Variants in KMT2D observed in about 807,000 individuals in gnomAD.
The protein encoded by KMT2D is lysine methyltransferase 2D, also known as histone-lysine N-methyltransferase 2D.
In KMT2D, 55 loss-of-function variants were observed where a neutral mutation model predicts 512.7. The observed-to-expected ratio is 0.11, with a 90% confidence interval of 0.09 to 0.13. KMT2D has a LOEUF of 0.13. Among genes scored for constraint, KMT2D ranks in the 10% least tolerant of loss-of-function variants. The pLI, the probability that KMT2D is intolerant of heterozygous loss-of-function variation, is 1.00. For synonymous variants in KMT2D, 2,995 were observed against 2,904.0 expected (o/e 1.03, Z -1.01); for missense variants, 6,061 against 7,127.9 (o/e 0.85, Z 5.39).
Position 49,040,626 on chromosome 12 carries a change from G to T in KMT2D, c.7144C>A (p.Pro2382Thr), listed in dbSNP as rs3741626. The T allele has an allele frequency of 6.2e-7, 1 of 1,613,570 alleles. No individual in the cohort carries two copies. Among genetic ancestry groups the T allele is most frequent in the South Asian group, 1.1e-5 (1 of 91,074 alleles). Residue 2382 changes from proline to threonine, a missense_variant, in exon 32 of 55, where the codon CCA becomes ACA. Coordinates refer to ENST00000301067, the MANE Select transcript of KMT2D (RefSeq NM_003482.4). Reference sequence around the variant, plus strand: ...GGAGGTTGGGGCCGAGGAGTCAATGGGGGCTGAGCATATGGGTCAGTGTAG... The same window carrying T: ...GGAGGTTGGGGCCGAGGAGTCAATGTGGGCTGAGCATATGGGTCAGTGTAG... ...GSYTDPYAQP[P>T]LTPRPQPPPP...
Position 49,032,640 on chromosome 12 carries a change from G to A in KMT2D, c.12065C>T (p.Thr4022Met), listed in dbSNP as rs368743947. The A allele has an allele frequency of 9.3e-6, 15 of 1,613,826 alleles. No individual in the cohort carries two copies. Among genetic ancestry groups the A allele is most frequent in the Admixed American group, 5.0e-5 (3 of 60,010 alleles). Residue 4022 changes from threonine (T) to methionine (M), a missense_variant, in exon 40 of 55, where the codon ACG becomes ATG. Thr to Met is a moderately conservative substitution (Grantham distance 81, BLOSUM62 -1). Transcript: ENST00000301067. ...GTCTACGGTGTTTTGTTCCTTGCCC[G>A]TCAGGAGGAGGGTTGGACCCAGGGC... ...PGALGPTLLL[T>M]GKEQNTVDPA...
rs1419866032 is a variant in KMT2D at position 49,032,867 on chromosome 12, TTGCTGCTGCTGTTGTTGAAGC to T, written c.11817_11837del (p.Leu3940_Gln3946del). The stretch of plus-strand genomic sequence containing the variant: ...GCTGCTGTTGCTGCTGTTGAAGCTG[TTGCTGCTGCTGTTGTTGAAGC>T]TGCTGCTGCTGTTGCTGCTGTTGAA... On this transcript the variant is annotated inframe_deletion, in exon 40 of 55. Coordinates refer to ENST00000301067, the MANE Select transcript of KMT2D (RefSeq NM_003482.4). The T allele has an allele frequency of 5.2e-6, 8 of 1,549,922 alleles. No homozygotes were observed. Among genetic ancestry groups the T allele is most frequent in the African/African-American group, 2.7e-5 (2 of 72,960 alleles).
At chr12:49,058,515 G>C (rs781685274) in intron 1 of KMT2D, among the ~76,000 whole-genome samples, 2 of 152,150 alleles carry the variant, frequency 1.3e-5, no homozygotes, top group African/African-American at 2.4e-5. Context: ...GTGTGAGAGG[G>C]GCAGTCCCAG....
Position 49,024,900 on chromosome 12 carries a change from C to T in KMT2D, c.15831G>A (p.Glu5277=), listed in dbSNP as rs913464213. 2.5e-6 allele frequency: 4 copies of T among 1,602,254 alleles called. No homozygotes were observed. Among genetic ancestry groups the T allele is most frequent in the Non-Finnish European group, 3.4e-6 (4 of 1,174,520 alleles). ...CAGGGAAGAGTCGCAGCATGTCAGCCTCTTTTCTCATGGCAGCCACAGGCT... is the reference window on the plus strand; with the variant it reads ...CAGGGAAGAGTCGCAGCATGTCAGCTTCTTTTCTCATGGCAGCCACAGGCT... ...IIEPVAAMRK[E]ADMLRLFPEY... is the part of the protein sequence containing the mutation. The change falls in exon 50 of 55, where the codon GAG becomes GAA. Residue 5277 remains glutamate, a synonymous_variant. Transcript: ENST00000301067. The surrounding 1 kb of genome is among the most constrained non-coding windows in gnomAD (Gnocchi z 4.5).
Position 49,039,243 on chromosome 12 carries a change from G to A in KMT2D, c.8345C>T (p.Ser2782Phe). 1 of 1,613,836 alleles carries A rather than the reference G, an allele frequency of 6.2e-7. No individual in the cohort carries two copies. The highest frequency in any genetic ancestry group is 8.5e-7 in the Non-Finnish European group (1 of 1,179,886). ...TCACCGGCTGTTCACATCCATAGAG[G>A]AAGGCGTGGCTGGTGGAGGTGGCCG... ...LSRPPPPATP[S>F]SMDVNSRQLV... Residue 2782 changes from serine (S) to phenylalanine (F), a missense_variant, in exon 34 of 55, where the codon TCC becomes TTC. Ser to Phe is a radical substitution (Grantham distance 155). Coordinates refer to ENST00000301067, the MANE Select transcript of KMT2D (RefSeq NM_003482.4). The surrounding 1 kb of genome is among the most constrained non-coding windows in gnomAD (Gnocchi z 5.0).
rs781089409 is a variant in KMT2D, at chr12:49,046,114, ATCG to A, written c.4641_4643del (p.Asp1548del). The A allele has an allele frequency of 1.9e-6, 3 of 1,610,922 alleles. No individual in the cohort carries two copies. The highest frequency in any genetic ancestry group is 1.7e-5 in the Admixed American group (1 of 59,550). ...GGCAGGAGACACAGTCAAAGCCTTC[ATCG>A]GCTGCCTGCTCCACATCGTCCTCTG... On this transcript the variant is annotated inframe_deletion, in exon 18 of 55. Transcript: ENST00000301067. This position sits in a 1 kb window ranked among gnomAD's most constrained non-coding sequence, Gnocchi z 4.2.
Position 49,050,360 on chromosome 12 carries a change from C to A in KMT2D, c.3228G>T (p.Glu1076Asp), listed in dbSNP as rs2120649330. 1 of 1,611,986 alleles carries A rather than the reference C, an allele frequency of 6.2e-7. No individual in the cohort carries two copies. The highest frequency in any genetic ancestry group is 8.5e-7 in the Non-Finnish European group (1 of 1,178,978). ...DEAELHEMET[E>D]KVSEPECPAL... ...CTGGGCATTCAGGTTCTGAAACTTTCTCAGTCTCCATCTCGTGCAGCTCAG... is the reference window on the plus strand; with the variant it reads ...CTGGGCATTCAGGTTCTGAAACTTTATCAGTCTCCATCTCGTGCAGCTCAG... The change falls in exon 12 of 55, where the codon GAG becomes GAT. Residue 1076 changes from glutamate (E) to aspartate (D), a missense_variant. This residue lies in a region of KMT2D where 447 missense variants were observed against 500.1 expected (regional missense o/e 0.89). Transcript: ENST00000301067.
At position 49,051,548 on chromosome 12, in the gene KMT2D, T is replaced by C. The variant is rs574957455; in HGVS notation, c.2135A>G (p.Glu712Gly). The change falls in exon 11 of 55, where the codon GAG becomes GGG. Residue 712 changes from glutamate to glycine, a missense_variant. Transcript: ENST00000301067. ...PEDSPASPPP[E>G]DSLMSLPLEE... is the part of the protein sequence containing the mutation. ...CAGCGGCAGGGACATGAGCGAGTCCTCCGGTGGTGGGGAAGCAGGTGAGTC... is the reference window on the plus strand; with the variant it reads ...CAGCGGCAGGGACATGAGCGAGTCCCCCGGTGGTGGGGAAGCAGGTGAGTC... 9.9e-6 allele frequency: 16 copies of C among 1,611,528 alleles called. No homozygotes were observed. In the African/African-American group the frequency reaches 1.9e-4, roughly 19 times the overall value.
chr12:49,039,789 G>A lies in KMT2D; in HGVS notation c.7981C>T (p.Leu2661Phe), dbSNP rs1370465303. Residue 2661 changes from leucine to phenylalanine, a missense_variant, in exon 32 of 55, where the codon CTC becomes TTC. Physicochemically the swap from Leu to Phe is conservative, Grantham distance 22 (BLOSUM62 0). This residue lies in a region of KMT2D where 527 missense variants were observed against 578.9 expected (regional missense o/e 0.91). Coordinates refer to ENST00000301067, the MANE Select transcript of KMT2D (RefSeq NM_003482.4). The surrounding 1 kb of genome is among the most constrained non-coding windows in gnomAD (Gnocchi z 5.0). The stretch of plus-strand genomic sequence containing the variant: ...ATGCCTGGGTCCTGGGTACCTGGGA[G>A]TTCAGCTGTCGCCAAAGAGCTACCC... ...GMGSSLATAE[L>F]PGTQDPGMSG... 1.9e-6 allele frequency: 3 copies of A among 1,613,988 alleles called. No individual in the cohort carries two copies. Among genetic ancestry groups the A allele is most frequent in the Non-Finnish European group, 2.5e-6 (3 of 1,179,898 alleles).
rs1398611998 is a variant in KMT2D at position 49,046,356 on chromosome 12, G to A, written c.4487C>T (p.Thr1496Ile). Residue 1496 changes from threonine to isoleucine, a missense_variant, in exon 17 of 55, where the codon ACA becomes ATA. Physicochemically the swap from Thr to Ile is moderately conservative, Grantham distance 89 (BLOSUM62 -1). Coordinates refer to ENST00000301067, the MANE Select transcript of KMT2D (RefSeq NM_003482.4). This position sits in a 1 kb window ranked among gnomAD's most constrained non-coding sequence, Gnocchi z 4.2. Reference sequence around the variant, plus strand: ...CAGGCTGGCACAGGGCCCACAGTGTGTGTAACTATTCTGCCATTCACAGTG... The same window carrying A: ...CAGGCTGGCACAGGGCCCACAGTGTATGTAACTATTCTGCCATTCACAGTG... ...GFHCEWQNSY[T>I]HCGPCASLVT... 2 of 1,613,874 alleles carry A rather than the reference G, an allele frequency of 1.2e-6. No individual in the cohort carries two copies. The highest frequency in any genetic ancestry group is 2.2e-5 in the East Asian group (1 of 44,886).
Position 49,040,006 on chromosome 12 carries a change from G to C in KMT2D, c.7764C>G (p.His2588Gln), listed in dbSNP as rs886043697. The C allele has an allele frequency of 6.2e-7, 1 of 1,613,776 alleles. No individual in the cohort carries two copies. The highest frequency in any genetic ancestry group is 8.5e-7 in the Non-Finnish European group (1 of 1,179,790). ...TNYTVATGNF[H>Q]PSGSPLGPSS... ...TGGGCCCCAGGGGGCTGCCCGATGG[G>C]TGGAAGTTCCCTGTGGCTACTGTGT... Residue 2588 changes from histidine (H) to glutamine (Q), a missense_variant, in exon 32 of 55, where the codon CAC becomes CAG. Physicochemically the swap from His to Gln is conservative, Grantham distance 24. Coordinates refer to ENST00000301067, the MANE Select transcript of KMT2D (RefSeq NM_003482.4).
At position 49,037,258 on chromosome 12, in the gene KMT2D, G is replaced by C. The variant is rs759872374; in HGVS notation, c.10098C>G (p.Gly3366=). 2 of 1,613,656 alleles carry C rather than the reference G, an allele frequency of 1.2e-6. No homozygotes were observed. The highest frequency in any genetic ancestry group is 1.7e-6 in the Non-Finnish European group (2 of 1,179,828). ...MLSGQHGGQA[G]LVPQQSSQPV... ...GCTGTGAGCTCTGCTGGGGTACCAA[G>C]CCTGCCTGCCCTCCATGCTGCCCAC... Residue 3366 remains glycine (G), a synonymous_variant, in exon 35 of 55, where the codon GGC becomes GGG. Coordinates refer to ENST00000301067, the MANE Select transcript of KMT2D (RefSeq NM_003482.4).
At chr12:49,053,133 C>A in intron 8 of KMT2D, 61 bp from the exon 9 acceptor site, 1 of 1,612,142 alleles carries the variant, frequency 6.2e-7, no homozygotes, top group Non-Finnish European at 8.5e-7. Context: ...AACGAAAGTA[C>A]ACAACTTGTC....
rs1304318096 is a variant in KMT2D at position 49,042,452 on chromosome 12, G to A, written c.5867+109C>T. The A allele has an allele frequency of 2.0e-6, 3 of 1,515,794 alleles. No homozygotes were observed. Among genetic ancestry groups the A allele is most frequent in the African/African-American group, 1.4e-5 (1 of 72,494 alleles). The allele number at this position is 1,515,794 out of a possible 1,614,324, so 93.9% of individuals were successfully genotyped here. A position where few individuals can be genotyped will look rare whatever the true frequency, so the allele number is the denominator to read the frequency against. ...GAGGAGGGTCACTAACAAGGGAATGGGGAGGAGCAGGGGAAGTGCTGCAGG... is the reference window on the plus strand; with the variant it reads ...GAGGAGGGTCACTAACAAGGGAATGAGGAGGAGCAGGGGAAGTGCTGCAGG... On this transcript the variant is annotated intron_variant, in intron 28 of 54. Transcript: ENST00000301067. This position sits in a 1 kb window ranked among gnomAD's most constrained non-coding sequence, Gnocchi z 4.4.
Position 49,037,943 on chromosome 12 carries a change from G to T in KMT2D, c.9413C>A (p.Thr3138Asn), listed in dbSNP as rs1943304810. 6.2e-7 allele frequency: 1 copy of T among 1,604,044 alleles called. No homozygotes were observed. Residue 3138 changes from threonine to asparagine, a missense_variant, in exon 35 of 55, where the codon ACC (threonine) becomes AAC (asparagine). By Grantham distance (65) the Thr-to-Asn change is moderately conservative. Transcript: ENST00000301067. ...HPSPCQFTIA[T>N]PKVEPAPAAN... ...AGCAGGTGCGGGCTCTACCTTGGGG[G>T]TAGCAATGGTGAATTGGCAAGGAGA...
rs1472143486 is a variant in KMT2D at position 49,049,298 on chromosome 12, A to G, written c.3907-80T>C. The G allele has an allele frequency of 7.8e-6, 7 of 901,172 alleles. No homozygotes were observed. In the East Asian group the frequency reaches 1.9e-4, roughly 24 times the overall value. The allele number at this position is 901,172 out of a possible 1,614,324, so 55.8% of individuals were successfully genotyped here. On this transcript the variant is annotated intron_variant, in intron 12 of 54. Coordinates refer to ENST00000301067, the MANE Select transcript of KMT2D (RefSeq NM_003482.4). ...TTTACACACTTGAACAGAAGAAGTG[A>G]CAAACGGACAGAGTAAGACAGGTAA...
Position 49,040,800 on chromosome 12 carries a change from GTGT to G in KMT2D, c.6967_6969del (p.Thr2323del). On this transcript the variant is annotated inframe_deletion, in exon 32 of 55. Transcript: ENST00000301067. ...GTCAGGGGGGCTTTGAAGACATCAGGTGTCTTTAACTCCAGGCCACCCAGGTGG... is the reference window on the plus strand; with the variant it reads ...GTCAGGGGGGCTTTGAAGACATCAGGCTTTAACTCCAGGCCACCCAGGTGG... The G allele has an allele frequency of 6.2e-7, 1 of 1,613,722 alleles. No homozygotes were observed. Among genetic ancestry groups the G allele is most frequent in the Non-Finnish European group, 8.5e-7 (1 of 1,179,752 alleles).
chr12:49,049,347 G>A (rs898139640), intron 12 of KMT2D, 129 bp from the exon 13 acceptor site: 3 of 649,494 alleles, frequency 4.6e-6, no homozygotes, highest in Non-Finnish European at 5.2e-6. Context: ...CCCACTCAGG[G>A]CAAGGGAAAA....
At position 49,044,875 on chromosome 12, in the gene KMT2D, C is replaced by T. The variant is rs1285271258; in HGVS notation, c.4832G>A (p.Arg1611Gln). Residue 1611 changes from arginine to glutamine, a missense_variant, in exon 20 of 55, where the codon CGG becomes CAG. This residue lies in a region of KMT2D where 640 missense variants were observed against 814.3 expected (regional missense o/e 0.79). Transcript: ENST00000301067. The surrounding 1 kb of genome is among the most constrained non-coding windows in gnomAD (Gnocchi z 6.4). ...GCCAAGCCGTCCTCGCCGTTGGCGC[C>T]GCTTGTGCAGTGGTGACATGGTCAG... ...RNLTMSPLHK[R>Q]RQRRGRLGLP... 7 of 1,613,964 alleles carry T rather than the reference C, an allele frequency of 4.3e-6. No homozygotes were observed. Among genetic ancestry groups the T allele is most frequent in the Non-Finnish European group, 5.9e-6 (7 of 1,179,908 alleles).
Sources: allele counts gnomAD v4.1 joint callset (sites outside exome capture counted in the v4.1 genomes callset), GRCh38; gene constraint gnomAD v4.1.1; regional missense constraint gnomAD v4.1.1; non-coding constraint Gnocchi (gnomAD v3.1); transcripts MANE v1.5; gene names NCBI Gene and HGNC (gene_info 2026-07-23, HGNC 2026-07-21).